CLEC19A: variants seen among roughly 807,000 people sequenced by gnomAD.
CLEC19A encodes C-type lectin domain family 19 member A.
In CLEC19A, 21 loss-of-function variants were observed where a neutral mutation model predicts 26.1. That is an observed-to-expected ratio of 0.80 (90% CI 0.57 to 1.16). CLEC19A has a LOEUF of 1.16. Among genes scored for constraint, CLEC19A ranks in the 50% most tolerant of loss-of-function variants. The pLI, the probability that CLEC19A is intolerant of heterozygous loss-of-function variation, is 0.00. For synonymous variants in CLEC19A, 89 were observed against 88.6 expected, an observed-to-expected ratio of 1.00 and a Z score of -0.03; for missense variants, 224 against 227.6, an observed-to-expected ratio of 0.98 and a Z score of 0.10.
At chr16:19,298,553 G>A in intron 1 of CLEC19A, 120 bp from the exon 2 acceptor site, 4 of 1,063,674 alleles carry the variant, frequency 3.8e-6, no homozygotes, top group South Asian at 1.6e-5. Context: ...GCAACAGAAC[G>A]AGACCCTGTC....
intron 1 of CLEC19A, among the ~76,000 whole-genome samples, chr16:19,289,058 T>C (rs967341527): frequency 2.0e-5 from 3 of 152,172 alleles, no homozygotes; most frequent in African/African-American, 7.2e-5. Flanking sequence ...ATCATGCCCA[T>C]TGTACAGATT....
intron 1 of CLEC19A, among the ~76,000 whole-genome samples, chr16:19,296,113 A>C (rs943271282): frequency 2.0e-5 from 3 of 152,210 alleles, no homozygotes; most frequent in Non-Finnish European, 4.4e-5. Context: ...TCCAGTTTGG[A>C]TACTGGCATG....
chr16:19,304,238 C>A, intron 3 of CLEC19A, 83 bp downstream of exon 3: 1 of 1,153,536 alleles, frequency 8.7e-7, no homozygotes, highest in Non-Finnish European at 1.3e-6. Flanking sequence ...CACATCAGTG[C>A]CAGGTCACGG....
In CLEC19A at chr16:19,309,069, C is replaced by T; in HGVS notation, c.547C>T (p.Leu183=). The T allele has an allele frequency of 1.3e-6, 2 of 1,548,212 alleles. No individual in the cohort carries two copies. The highest frequency in any genetic ancestry group is 1.7e-6 in the Non-Finnish European group (2 of 1,146,642). The change falls in exon 5 of 5, where the codon CTG becomes TTG. Residue 183 remains leucine, a synonymous_variant. Coordinates refer to ENST00000636231, the MANE Select transcript of CLEC19A (RefSeq NM_001256720.2). The part of the protein sequence containing the change: ...KFPFVCKIPS[L]TIH ...CCCCTTTGTCTGCAAAATCCCATCT[C>T]TGACCATTCATTGATCCTGTCTTGT...
At position 19,287,462 on chromosome 16, in the gene CLEC19A, G is replaced by A. The variant is rs117917265; in HGVS notation, c.88+1523G>A. Among the ~76,000 whole-genome samples, 1,500 of 152,250 alleles carry A rather than the reference G, an allele frequency of 9.9e-3. 9 individuals carry two copies. Among genetic ancestry groups the A allele is most frequent in the Non-Finnish European group, 0.011 (776 of 68,024 alleles). On this transcript the variant is annotated intron_variant, in intron 1 of 4. Transcript: ENST00000636231. Reference sequence around the variant, plus strand: ...GCTTTAACATATGAATTGGGGGCAGGGAAGAGGAGAGACACAGACATTCCA... The same window carrying A: ...GCTTTAACATATGAATTGGGGGCAGAGAAGAGGAGAGACACAGACATTCCA...
chr16:19,290,529 G>A (rs1314794376), intron 1 of CLEC19A, among the ~76,000 whole-genome samples: 1 of 152,198 alleles, frequency 6.6e-6, no homozygotes, highest in Non-Finnish European at 1.5e-5. Flanking sequence ...GGTCTCAGTT[G>A]AGACAGCACC....
rs141637248 is a variant in CLEC19A, at chr16:19,286,059, T to A, written c.88+120T>A. 877 of 910,432 alleles carry A rather than the reference T, an allele frequency of 9.6e-4. 8 individuals are homozygous for A. In the Admixed American group the frequency reaches 0.013, roughly 14 times the overall value. The allele number at this position is 910,432 out of a possible 1,614,324, so 56.4% of individuals were successfully genotyped here. ...TTGGGGTGGCCTGACCCGAGTCTCC[T>A]GACAGCTTTCCCCCTACCAGCTTTG... On this transcript the variant is annotated intron_variant, in intron 1 of 4. Transcript: ENST00000636231.
At chr16:19,304,910 G>A (rs1897919298) in intron 3 of CLEC19A, 1 of 152,450 alleles carries the variant, frequency 6.6e-6, no homozygotes, top group Non-Finnish European at 1.5e-5. Flanking sequence ...AGAAAGTCTT[G>A]GCTAGGCCAA....
At chr16:19,298,613 T>G in intron 1 of CLEC19A, 60 bp from the exon 2 acceptor site, 1 of 1,487,380 alleles carries the variant, frequency 6.7e-7, no homozygotes, top group Non-Finnish European at 9.1e-7. Flanking sequence ...GGTTCTAAGC[T>G]ATGGAAACAA....
intron 3 of CLEC19A, among the ~76,000 whole-genome samples, chr16:19,305,379 A>C (rs1897929790): frequency 6.6e-6 from 1 of 152,232 alleles, no homozygotes; most frequent in African/African-American, 2.4e-5. Flanking sequence ...ATTAGAGCGC[A>C]GAGTGGGGTA....
At chr16:19,294,986 A>C (rs1351193330) in intron 1 of CLEC19A, among the ~76,000 whole-genome samples, 1 of 152,122 alleles carries the variant, frequency 6.6e-6, no homozygotes, top group Non-Finnish European at 1.5e-5. Flanking sequence ...GGAGTTGTTC[A>C]ATATAGGATG....
chr16:19,307,652 G>A lies in CLEC19A; in HGVS notation c.456G>A (p.Val152=). 2 of 1,548,370 alleles carry A rather than the reference G, an allele frequency of 1.3e-6. No homozygotes were observed. The highest frequency in any genetic ancestry group is 2.4e-5 in the South Asian group (2 of 83,950). The change falls in exon 4 of 5, where the codon GTG becomes GTA. Residue 152 remains valine, a synonymous_variant. Coordinates refer to ENST00000636231, the MANE Select transcript of CLEC19A (RefSeq NM_001256720.2). ...CGGACCCAGAAGAAGAGGACTGCGT[G>A]CAGATATGGTACAGGCCTACCAGTG... ...VHADPEEEDC[V]QIWYRPTSAL...
chr16:19,304,989 A>G (rs1897920679), intron 3 of CLEC19A: 1 of 152,374 alleles, frequency 6.6e-6, no homozygotes, highest in African/African-American at 2.4e-5. Context: ...CACCAGCACC[A>G]TTACCCCTGA....
chr16:19,307,566 G>A lies in CLEC19A; in HGVS notation c.370G>A (p.Asp124Asn). 3 of 1,548,252 alleles carry A rather than the reference G, an allele frequency of 1.9e-6. No individual in the cohort carries two copies. Among genetic ancestry groups the A allele is most frequent in the Non-Finnish European group, 1.7e-6 (2 of 1,146,796 alleles). The change falls in exon 4 of 5, where the codon GAT becomes AAT. Residue 124 changes from aspartate to asparagine, a missense_variant. Coordinates refer to ENST00000636231, the MANE Select transcript of CLEC19A (RefSeq NM_001256720.2). ...CCAGGAAGGGCAGTTTGAATGGACTGATGGCTCATCCTATGACTACAGCTA... is the reference window on the plus strand; with the variant it reads ...CCAGGAAGGGCAGTTTGAATGGACTAATGGCTCATCCTATGACTACAGCTA... ...HRQEGQFEWT[D>N]GSSYDYSYWD...
chr16:19,294,811 C>T (rs754330903), intron 1 of CLEC19A, among the ~76,000 whole-genome samples: 13 of 152,116 alleles, frequency 8.5e-5, no homozygotes, highest in Non-Finnish European at 1.8e-4. Context: ...AATTTTTGTT[C>T]AAGAAAATAG....
intron 2 of CLEC19A, among the ~76,000 whole-genome samples, chr16:19,301,440 C>T (rs1481162041): frequency 6.6e-6 from 1 of 152,220 alleles, no homozygotes; most frequent in African/African-American, 2.4e-5. Flanking sequence ...TTAAGGGCAT[C>T]AGAGTCAGGT....
At chr16:19,302,786 CA>C (rs1356399802) in intron 2 of CLEC19A, among the ~76,000 whole-genome samples, 15 of 152,132 alleles carry the variant, frequency 9.9e-5, no homozygotes, top group African/African-American at 3.6e-4. Context: ...CCTGGATGAG[CA>C]GTTGTTTTGG....
At chr16:19,307,736 G>A in intron 4 of CLEC19A, 59 bp downstream of exon 4, 3 of 1,539,748 alleles carry the variant, frequency 1.9e-6, no homozygotes, top group Non-Finnish European at 1.8e-6. Flanking sequence ...CACAGGTGGG[G>A]AGAGCGGAGA....
chr16:19,287,424 A>T (rs1317991307), intron 1 of CLEC19A, among the ~76,000 whole-genome samples: 3 of 152,090 alleles, frequency 2.0e-5, no homozygotes, highest in African/African-American at 7.2e-5. Flanking sequence ...ATACCATCAC[A>T]TTGGGAGTCA....
Sources: gnomAD v4.1 joint callset for allele counts (sites outside exome capture counted in the v4.1 genomes callset) on GRCh38, gnomAD v4.1.1 for gene constraint, MANE v1.5 for transcripts, NCBI Gene and HGNC (gene_info 2026-07-23, HGNC 2026-07-21) for gene names.